EPB41L4B: variants seen among roughly 807,000 people sequenced by gnomAD.
The protein encoded by EPB41L4B is band 4.1-like protein 4B.
A neutral mutation model predicts 112.5 loss-of-function variants in EPB41L4B; 30 were observed. That is an observed-to-expected ratio of 0.27 (90% CI 0.20 to 0.36). The LOEUF (loss-of-function observed/expected upper bound fraction) is 0.36, where lower values mean the gene tolerates loss of function less well. Among genes scored for constraint, EPB41L4B ranks in the 10% least tolerant of loss-of-function variants. The pLI, the probability that EPB41L4B is intolerant of heterozygous loss-of-function variation, is 1.00. For synonymous variants in EPB41L4B, 408 were observed against 439.7 expected, an observed-to-expected ratio of 0.93 and a Z score of 0.90; for missense variants, 1,024 against 1,133.3, an observed-to-expected ratio of 0.90 and a Z score of 1.38.
At chr9:109,245,863 G>C (rs1197154581) in intron 14 of EPB41L4B, among the ~76,000 whole-genome samples, 2 of 152,218 alleles carry the variant, frequency 1.3e-5, no homozygotes, top group Non-Finnish European at 2.9e-5. Context: ...CGATAACAAT[G>C]CCTAGATGAG....
At chr9:109,207,846 T>G (rs1423264520) in intron 18 of EPB41L4B, 78 bp downstream of exon 18, 11 of 1,577,972 alleles carry the variant, frequency 7.0e-6, no homozygotes, top group Admixed American at 1.7e-5. Flanking sequence ...ATCTCAGTCC[T>G]ACGGTGCCTC....
intron 14 of EPB41L4B, among the ~76,000 whole-genome samples, chr9:109,245,980 C>T (rs1834541111): frequency 6.6e-6 from 1 of 152,250 alleles, no homozygotes; most frequent in African/African-American, 2.4e-5. Flanking sequence ...CAGTGCTCAG[C>T]TGCTTTGCTT....
At chr9:109,262,948 T>C in intron 6 of EPB41L4B, 102 bp downstream of exon 6, 1 of 787,382 alleles carries the variant, frequency 1.3e-6, no homozygotes, top group East Asian at 2.8e-5. Context: ...TTCATTTATA[T>C]CCCCAAAGCT....
intron 22 of EPB41L4B, 68 bp downstream of exon 22, chr9:109,192,210 T>C: frequency 7.9e-7 from 1 of 1,270,648 alleles, no homozygotes. Context: ...CCTCTGTCCA[T>C]CCGTCCCACT....
At chr9:109,176,054 A>G (rs1242712588) in intron 25 of EPB41L4B, among the ~76,000 whole-genome samples, 14 of 51,736 alleles carry the variant, frequency 2.7e-4, no homozygotes, top group Admixed American at 1.3e-3. Flanking sequence ...ACACACGCAC[A>G]CACACACACA....
chr9:109,217,243 G>T lies in EPB41L4B; in HGVS notation c.1410-98C>A, dbSNP rs1408509934. 9.9e-6 allele frequency: 10 copies of T among 1,006,296 alleles called. No individual in the cohort carries two copies. The East Asian group carries it at 2.5e-4, about 25-fold the overall frequency. The allele number at this position is 1,006,296 out of a possible 1,614,324, so 62.3% of individuals were successfully genotyped here. ...GTTTTCTAGGCATTAAACACTGAAA[G>T]AAATAAACTCAAAAACTAGATCTGT... On this transcript the variant is annotated intron_variant, in intron 15 of 25. Coordinates refer to ENST00000374566, the MANE Select transcript of EPB41L4B (RefSeq NM_019114.5).
At chr9:109,177,910 C>A (rs1379592477) in intron 24 of EPB41L4B, among the ~76,000 whole-genome samples, 1 of 151,832 alleles carries the variant, frequency 6.6e-6, no homozygotes, top group African/African-American at 2.4e-5. Context: ...CTCTCTCTTC[C>A]TCTCTTTCTC....
intron 15 of EPB41L4B, among the ~76,000 whole-genome samples, chr9:109,221,189 A>T (rs1833560497): frequency 6.6e-6 from 1 of 150,908 alleles, no homozygotes; most frequent in South Asian, 2.1e-4. Flanking sequence ...TACCTGTTAT[A>T]TAGCAGGTGT....
intron 15 of EPB41L4B, among the ~76,000 whole-genome samples, chr9:109,230,437 AC>A (rs1412354846): frequency 1.3e-5 from 2 of 152,310 alleles, no homozygotes; most frequent in African/African-American, 4.8e-5. Context: ...TGGGTGGCAG[AC>A]ATTGCATTTT....
chr9:109,241,268 T>C (rs1350467453), intron 15 of EPB41L4B: 2 of 996,726 alleles, frequency 2.0e-6, no homozygotes, highest in Non-Finnish European at 2.4e-6. Flanking sequence ...CTAGGGAAAC[T>C]GGACCCTAGC....
intron 1 of EPB41L4B, among the ~76,000 whole-genome samples, chr9:109,314,641 C>A (rs975222779): frequency 6.6e-6 from 1 of 151,654 alleles, no homozygotes; most frequent in Non-Finnish European, 1.5e-5. Context: ...CTCACCCCCC[C>A]CCACCTCAGC....
rs1400303361 is a variant in EPB41L4B at position 109,267,550 on chromosome 9, A to G, written c.456T>C (p.Ile152=). 1.9e-6 allele frequency: 3 copies of G among 1,604,854 alleles called. No homozygotes were observed. The highest frequency in any genetic ancestry group is 2.6e-6 in the Non-Finnish European group (3 of 1,171,996). ...GAAAGTGTAAAGCATAAGCAGGTCC[A>G]ACTAAACATTTGGAGATGGAAGGTT... ...HAKPIKKQMK[I]GPAYALHFRV... is the part of the protein sequence containing the mutation. The change falls in exon 4 of 26, where the codon ATT becomes ATC. Residue 152 remains isoleucine, a splice_region_variant and synonymous_variant. Transcript: ENST00000374566.
chr9:109,298,722 A>G (rs545313771), intron 1 of EPB41L4B, among the ~76,000 whole-genome samples: 2 of 152,354 alleles, frequency 1.3e-5, no homozygotes, highest in South Asian at 2.1e-4. Context: ...TTACAGAACC[A>G]AACACCTAGG....
intron 25 of EPB41L4B, among the ~76,000 whole-genome samples, chr9:109,175,573 A>G (rs1011808803): frequency 6.6e-6 from 1 of 150,818 alleles, no homozygotes; most frequent in Non-Finnish European, 1.5e-5. Context: ...TATGTTGCCC[A>G]GGCTGGACTT....
At chr9:109,259,264 G>A (rs750722) in intron 6 of EPB41L4B, among the ~76,000 whole-genome samples, 72,271 of 151,928 alleles carry the variant, frequency 0.48, 17,419 homozygotes, top group East Asian at 0.68. Context: ...AATCACTGAG[G>A]TATAATAGTG....
intron 25 of EPB41L4B, among the ~76,000 whole-genome samples, chr9:109,174,912 G>GTTT (rs35440007): frequency 5.5e-4 from 41 of 74,536 alleles, no homozygotes; most frequent in African/African-American, 8.3e-4. Flanking sequence ...TCAGTAAAGT[G>GTTT]TTTTTTTTTT....
At chr9:109,218,792 T>G (rs1833476401) in intron 15 of EPB41L4B, among the ~76,000 whole-genome samples, 1 of 152,162 alleles carries the variant, frequency 6.6e-6, no homozygotes, top group Non-Finnish European at 1.5e-5. Context: ...CCAGGAAGAC[T>G]TCCAGCCTTT....
chr9:109,275,391 C>T (rs1835776325), intron 2 of EPB41L4B, among the ~76,000 whole-genome samples: 1 of 152,134 alleles, frequency 6.6e-6, no homozygotes, highest in Admixed American at 6.6e-5. Context: ...CTACTGTTTG[C>T]AGAAACACCT....
At chr9:109,265,774 A>C (rs1835380879) in intron 4 of EPB41L4B, among the ~76,000 whole-genome samples, 1 of 152,216 alleles carries the variant, frequency 6.6e-6, no homozygotes, top group Admixed American at 6.5e-5. Flanking sequence ...GTAAAAACCA[A>C]AACTGCCTGT....
Sources: gnomAD v4.1 joint callset for allele counts (sites outside exome capture counted in the v4.1 genomes callset) on GRCh38, gnomAD v4.1.1 for gene constraint, MANE v1.5 for transcripts, NCBI Gene and HGNC (gene_info 2026-07-23, HGNC 2026-07-21) for gene names.